The following PAX2 variants were observed in gnomAD, a reference collection of about 807,000 sequenced individuals.
PAX2 encodes paired box protein Pax-2.
A neutral mutation model predicts 41.7 loss-of-function variants in PAX2; 9 were observed. The ratio of observed to expected loss-of-function variants is 0.22; its 90% confidence interval spans 0.13 to 0.38. PAX2 has a LOEUF of 0.38. Ranked by LOEUF, PAX2 falls within the 10% of genes least tolerant of loss-of-function variation. The pLI, the probability that PAX2 is intolerant of heterozygous loss-of-function variation, is 1.00. For synonymous variants in PAX2, 221 were observed against 212.7 expected (o/e 1.04, Z -0.34); for missense variants, 418 against 531.6 (o/e 0.79, Z 2.10).
At chr10:100,798,128 T>TTTTG (rs1309620611) in intron 5 of PAX2, among the ~76,000 whole-genome samples, 5 of 108,950 alleles carry the variant, frequency 4.6e-5, no homozygotes, top group Admixed American at 1.1e-4. Context: ...TTTTTTTTTT[T>TTTTG]AGACAGGGTC....
chr10:100,775,318 G>A (rs537906733), intron 3 of PAX2, among the ~76,000 whole-genome samples: 7 of 152,302 alleles, frequency 4.6e-5, no homozygotes, highest in East Asian at 1.9e-4. Flanking sequence ...CTTTAGCCCC[G>A]AGTGAAATTG....
intron 3 of PAX2, among the ~76,000 whole-genome samples, chr10:100,758,482 G>A (rs771424874): frequency 2.0e-5 from 3 of 152,208 alleles, no homozygotes; most frequent in Non-Finnish European, 2.9e-5. Flanking sequence ...GTTTGTTGTA[G>A]GGATGTTGGG....
chr10:100,748,424 A>C lies in PAX2; in HGVS notation c.44-1322A>C, dbSNP rs1845291521. 7.1e-6 allele frequency: 7 copies of C among 984,594 alleles called. No homozygotes were observed. Among genetic ancestry groups the C allele is most frequent in the Non-Finnish European group, 8.4e-6 (7 of 829,728 alleles). The allele number at this position is 984,594 out of a possible 1,614,324, so 61.0% of individuals were successfully genotyped here. ...GGGTTTCACCGAGCTTGCTCTAGGT[A>C]CCCCCCGAGAAAGGGAGGGGAGAGA... On this transcript the variant is annotated intron_variant, in intron 1 of 9. Coordinates refer to ENST00000355243, the MANE Select transcript of PAX2 (RefSeq NM_000278.5). The surrounding 1 kb of genome is among the most constrained non-coding windows in gnomAD (Gnocchi z 5.0).
At chr10:100,810,692 C>A (rs1021194084) in intron 7 of PAX2, among the ~76,000 whole-genome samples, 7 of 152,222 alleles carry the variant, frequency 4.6e-5, no homozygotes, top group Admixed American at 2.6e-4. Flanking sequence ...TCAAAGAGAA[C>A]CCGGGAGACT....
chr10:100,745,415 G>C (rs992399248), upstream of PAX2, among the ~76,000 whole-genome samples: 16 of 151,420 alleles, frequency 1.1e-4, no homozygotes, highest in Non-Finnish European at 1.5e-4. Context: ...GACAGGCTCG[G>C]GGCCCTCCTC....
chr10:100,778,517 C>T lies in PAX2; in HGVS notation c.411-981C>T, dbSNP rs557978130. On this transcript the variant is annotated intron_variant, in intron 3 of 9. Transcript: ENST00000355243. ...GCTGACTTGCTCATGGCTTGTGACT[C>T]ACCTGGCTGGTTGAGGTGAGCTTGG... is the stretch of plus-strand genomic sequence containing the variant. 2.0e-5 allele frequency among the ~76,000 whole-genome samples: 3 copies of T among 152,254 alleles called. No individual in the cohort carries two copies. The East Asian group carries it at 5.8e-4, about 29-fold the overall frequency.
intron 5 of PAX2, among the ~76,000 whole-genome samples, chr10:100,806,158 C>G (rs927909832): frequency 9.2e-5 from 14 of 152,180 alleles, no homozygotes; most frequent in African/African-American, 3.1e-4. Flanking sequence ...CTGGCTCCAC[C>G]TCTGCCTAAT....
chr10:100,800,273 C>CTTTTTTT (rs59487758), intron 5 of PAX2, among the ~76,000 whole-genome samples: 4 of 108,384 alleles, frequency 3.7e-5, no homozygotes, highest in Non-Finnish European at 5.2e-5. Flanking sequence ...TCTTTTCTTT[C>CTTTTTTT]TTTTTTTTTT....
chr10:100,775,208 T>C (rs1341062658), intron 3 of PAX2, among the ~76,000 whole-genome samples: 4 of 152,126 alleles, frequency 2.6e-5, no homozygotes, highest in Non-Finnish European at 5.9e-5. Context: ...CTGGCTGTCT[T>C]GTGAGGCCAA....
rs373077911 is a variant in PAX2, at chr10:100,779,457, G to T, written c.411-41G>T. 23 of 1,505,924 alleles carry T rather than the reference G, an allele frequency of 1.5e-5. No individual in the cohort carries two copies. In the South Asian group the frequency reaches 1.9e-4, roughly 13 times the overall value. The allele number at this position is 1,505,924 out of a possible 1,614,324, so 93.3% of individuals were successfully genotyped here. ...TGGGCTGGAATTGGCCGGGATAGGA[G>T]TGGGCATTTGATGTGTGATGCTGTT... On this transcript the variant is annotated intron_variant, in intron 3 of 9. Coordinates refer to ENST00000355243, the MANE Select transcript of PAX2 (RefSeq NM_000278.5).
chr10:100,795,718 T>G (rs746882048), intron 5 of PAX2, among the ~76,000 whole-genome samples: 9 of 152,238 alleles, frequency 5.9e-5, no homozygotes, highest in Non-Finnish European at 1.3e-4. Context: ...TGCCTCACCC[T>G]TTCTTTGTGA....
At chr10:100,755,633 G>T (rs991540087) in intron 3 of PAX2, among the ~76,000 whole-genome samples, 2 of 152,184 alleles carry the variant, frequency 1.3e-5, no homozygotes, top group Non-Finnish European at 2.9e-5. Context: ...CGTGGAGGGT[G>T]GTCTCCAGTG....
At chr10:100,797,186 C>T (rs1425435598) in intron 5 of PAX2, among the ~76,000 whole-genome samples, 4 of 152,188 alleles carry the variant, frequency 2.6e-5, no homozygotes, top group Non-Finnish European at 5.9e-5. Context: ...CTATGGGACC[C>T]CTGCCTTCAA....
chr10:100,800,989 C>T (rs1004990660), intron 5 of PAX2, among the ~76,000 whole-genome samples: 2 of 152,216 alleles, frequency 1.3e-5, no homozygotes, highest in Non-Finnish European at 2.9e-5. Flanking sequence ...GTCACCATGC[C>T]GGCAGCTCTC....
chr10:100,746,397 C>G (rs2133824010), intron 1 of PAX2, 94 bp downstream of exon 1: 2 of 895,434 alleles, frequency 2.2e-6, no homozygotes, highest in Non-Finnish European at 3.8e-6. Flanking sequence ...GCGCTCAGGT[C>G]CCATCTTGGA....
At chr10:100,737,359 T>C (rs1256843101) in intron 1 of PAX2, among the ~76,000 whole-genome samples, 1 of 152,220 alleles carries the variant, frequency 6.6e-6, no homozygotes, top group African/African-American at 2.4e-5. Flanking sequence ...CAGGGCACTC[T>C]CCACTTACCC....
intron 5 of PAX2, among the ~76,000 whole-genome samples, chr10:100,792,694 G>A (rs560110449): frequency 2.0e-5 from 3 of 152,232 alleles, no homozygotes; most frequent in African/African-American, 7.2e-5. Flanking sequence ...CAAGGATGGC[G>A]TTGGTCCTTT....
rs544897691 is a variant in PAX2, at chr10:100,758,012, C to T, written c.410+7121C>T. Among the ~76,000 whole-genome samples the T allele has an allele frequency of 5.1e-3, 782 of 152,242 alleles. 6 individuals carry two copies. Among genetic ancestry groups the T allele is most frequent in the African/African-American group, 0.018 (742 of 41,522 alleles). On this transcript the variant is annotated intron_variant, in intron 3 of 9. Coordinates refer to ENST00000355243, the MANE Select transcript of PAX2 (RefSeq NM_000278.5). ...CCCCTCATGGCACATCCGCAATCAA[C>T]CATGGGAGAAATGAGGCCCTTTCTT...
chr10:100,749,697 G>A (rs761361665), intron 1 of PAX2, 49 bp from the exon 2 acceptor site: 4 of 1,577,634 alleles, frequency 2.5e-6, no homozygotes, highest in East Asian at 4.6e-5. Context: ...ACTAATGGCC[G>A]GTCCCTGCTG....
Sources: allele counts gnomAD v4.1 joint callset (sites outside exome capture counted in the v4.1 genomes callset), GRCh38; gene constraint gnomAD v4.1.1; non-coding constraint Gnocchi (gnomAD v3.1); transcripts MANE v1.5; gene names NCBI Gene and HGNC (gene_info 2026-07-23, HGNC 2026-07-21).